Variants in TTC27 observed in about 807,000 individuals in gnomAD.
The protein encoded by TTC27 is tetratricopeptide repeat protein 27.
In TTC27, 79 loss-of-function variants were observed where a neutral mutation model predicts 115.9. That is an observed-to-expected ratio of 0.68 (90% CI 0.57 to 0.82). The LOEUF (loss-of-function observed/expected upper bound fraction) is 0.82. TTC27 is among the 40% of genes least tolerant of loss of function. The probability of loss-of-function intolerance (pLI) is 0.00; values close to 1 mark genes in which losing one functional copy is unlikely to be tolerated. For missense variants in TTC27, 1,054 were observed against 993.1 expected (o/e 1.06, Z -0.82); for synonymous variants, 401 against 356.0 (o/e 1.13, Z -1.42).
At chr2:32,783,868 G>A (rs1414419638) in intron 15 of TTC27, among the ~76,000 whole-genome samples, 1 of 152,142 alleles carries the variant, frequency 6.6e-6, no homozygotes, top group Non-Finnish European at 1.5e-5. Context: ...TTTTTATTTG[G>A]CCTTACTTTC....
chr2:32,806,603 AC>A (rs1671136204), intron 16 of TTC27, among the ~76,000 whole-genome samples: 1 of 152,168 alleles, frequency 6.6e-6, no homozygotes, highest in South Asian at 2.1e-4. Context: ...ACACGGTGAA[AC>A]CCCATCTCTA....
chr2:32,735,702 C>A (rs948427977), intron 11 of TTC27, among the ~76,000 whole-genome samples: 22 of 152,164 alleles, frequency 1.4e-4, no homozygotes, highest in African/African-American at 5.3e-4. Context: ...CATCAACTTT[C>A]TTCATCTGTT....
chr2:32,782,862 T>G (rs1374473172), intron 15 of TTC27, among the ~76,000 whole-genome samples, 184 bp downstream of exon 15: 1 of 152,192 alleles, frequency 6.6e-6, no homozygotes, highest in Non-Finnish European at 1.5e-5. Flanking sequence ...AAATATACAG[T>G]TTATTTCTTA....
chr2:32,803,509 A>G (rs1125948), intron 16 of TTC27, among the ~76,000 whole-genome samples: 99,963 of 152,062 alleles, frequency 0.66, 33,716 homozygotes, highest in African/African-American at 0.81. Context: ...GTTCTCCACC[A>G]TATTAGGATC....
At chr2:32,684,922 C>CA (rs1194926166) in intron 9 of TTC27, among the ~76,000 whole-genome samples, 1,577 of 98,612 alleles carry the variant, frequency 0.016, 14 homozygotes, top group Middle Eastern at 0.042. Context: ...TGACAGCAAC[C>CA]AAAAAAAAAA....
intron 9 of TTC27, 79 bp downstream of exon 9, chr2:32,679,001 G>GT: frequency 7.7e-7 from 1 of 1,293,182 alleles, no homozygotes. Flanking sequence ...GCCTTGGATT[G>GT]TTTATGTTGA....
intron 12 of TTC27, among the ~76,000 whole-genome samples, chr2:32,755,066 C>T (rs1374648086): frequency 1.3e-4 from 19 of 151,902 alleles, no homozygotes; most frequent in Admixed American, 6.5e-4. Context: ...TCAGACGGGG[C>T]GGCCGGGCAG....
At chr2:32,762,932 G>A (rs1455830291) in intron 13 of TTC27, among the ~76,000 whole-genome samples, 7 of 152,182 alleles carry the variant, frequency 4.6e-5, no homozygotes, top group South Asian at 2.1e-4. Context: ...GAGCCACCGC[G>A]CTCAGCCCAA....
chr2:32,703,138 C>T (rs1667249059), intron 10 of TTC27, among the ~76,000 whole-genome samples: 1 of 152,176 alleles, frequency 6.6e-6, no homozygotes, highest in South Asian at 2.1e-4. Context: ...CCTCTCCAAA[C>T]CTCATTTTCA....
chr2:32,793,467 C>G (rs190835517), intron 16 of TTC27, among the ~76,000 whole-genome samples: 90 of 152,270 alleles, frequency 5.9e-4, no homozygotes, highest in African/African-American at 2.0e-3. Flanking sequence ...AAATAAAAAT[C>G]TCAATAAAGA....
chr2:32,798,888 A>G (rs1354605575), intron 16 of TTC27, among the ~76,000 whole-genome samples: 1 of 152,114 alleles, frequency 6.6e-6, no homozygotes. Flanking sequence ...ACTTCTGGGT[A>G]TATACCCCAA....
intron 6 of TTC27, among the ~76,000 whole-genome samples, chr2:32,666,359 CTTT>C (rs35023187): frequency 3.7e-5 from 5 of 136,526 alleles, no homozygotes. Context: ...CAATGTGTTA[CTTT>C]TTTTTTTTTT....
intron 16 of TTC27, among the ~76,000 whole-genome samples, chr2:32,800,381 C>A (rs1387539795): frequency 1.3e-5 from 2 of 152,140 alleles, no homozygotes; most frequent in Non-Finnish European, 2.9e-5. Flanking sequence ...TGGGGTTTCA[C>A]CATGTTGGCC....
At chr2:32,741,431 C>G (rs1231679627) in intron 12 of TTC27, among the ~76,000 whole-genome samples, 5 of 150,062 alleles carry the variant, frequency 3.3e-5, no homozygotes, top group African/African-American at 1.2e-4. Context: ...ATCACGAGGT[C>G]AAGAGATGGA....
chr2:32,702,010 C>CA (rs752550794), intron 9 of TTC27, among the ~76,000 whole-genome samples: 38 of 48,060 alleles, frequency 7.9e-4, no homozygotes, highest in East Asian at 3.1e-3. Context: ...GATCCTGTCT[C>CA]AAAAAAAAAA....
intron 12 of TTC27, among the ~76,000 whole-genome samples, chr2:32,743,024 AT>A (rs1668696922): frequency 1.3e-5 from 2 of 152,060 alleles, no homozygotes; most frequent in African/African-American, 4.8e-5. Flanking sequence ...ATTAAGTCTA[AT>A]TTTGCTCTTC....
Position 32,636,361 on chromosome 2 carries a change from T to G in TTC27, c.396+2356T>G, listed in dbSNP as rs570094456. 1.1e-3 allele frequency among the ~76,000 whole-genome samples: 170 copies of G among 152,130 alleles called. 3 individuals are homozygous for G. The highest frequency in any genetic ancestry group is 2.1e-3 in the Non-Finnish European group (144 of 67,984). Reference sequence around the variant, plus strand: ...CCCAAGCAGCTGGGACTACAGGTGCTCACCACCACGCCCGGCTAATTTTTG... The same window carrying G: ...CCCAAGCAGCTGGGACTACAGGTGCGCACCACCACGCCCGGCTAATTTTTG... On this transcript the variant is annotated intron_variant, in intron 3 of 19. Coordinates refer to ENST00000317907, the MANE Select transcript of TTC27 (RefSeq NM_017735.5).
At chr2:32,817,620 A>C in intron 19 of TTC27, 63 bp downstream of exon 19, 1 of 1,373,320 alleles carries the variant, frequency 7.3e-7, no homozygotes, top group Non-Finnish European at 1.0e-6. Flanking sequence ...GTATCAGCTT[A>C]TTGCTGTTAA....
chr2:32,807,621 A>G (rs1156918083), intron 16 of TTC27, among the ~76,000 whole-genome samples: 1 of 152,210 alleles, frequency 6.6e-6, no homozygotes, highest in Non-Finnish European at 1.5e-5. Flanking sequence ...ATAGGATACT[A>G]TGATTATGGG....
Sources: allele counts gnomAD v4.1 joint callset (sites outside exome capture counted in the v4.1 genomes callset), GRCh38; gene constraint gnomAD v4.1.1; transcripts MANE v1.5; gene names NCBI Gene and HGNC (gene_info 2026-07-23, HGNC 2026-07-21).